The following ZNF233 variants were observed in gnomAD, a reference collection of about 807,000 sequenced individuals.
The protein encoded by ZNF233 is zinc finger protein 233.
ZNF233 carries 7 observed loss-of-function variants against 11.6 expected under a neutral mutation model. The ratio of observed to expected loss-of-function variants is 0.60; its 90% confidence interval spans 0.34 to 1.13. The LOEUF (loss-of-function observed/expected upper bound fraction) is 1.13. Among genes scored for constraint, ZNF233 ranks in the 50% most tolerant of loss-of-function variants. ZNF233 has a pLI of 0.03. For synonymous variants in ZNF233, 226 were observed against 268.5 expected, an observed-to-expected ratio of 0.84 and a Z score of 1.55; for missense variants, 711 against 785.5, an observed-to-expected ratio of 0.91 and a Z score of 1.13.
At chr19:44,267,301 C>A in intron 4 of ZNF233, 1 of 402,106 alleles carries the variant, frequency 2.5e-6, no homozygotes, top group Non-Finnish European at 4.4e-6. Context: ...TCACTCAGTT[C>A]TTTCCAGCCA....
intron 4 of ZNF233, among the ~76,000 whole-genome samples, chr19:44,270,885 T>C (rs1334339610): frequency 1.3e-5 from 2 of 152,168 alleles, no homozygotes; most frequent in Non-Finnish European, 2.9e-5. Context: ...GCATCAGAAG[T>C]GACAGATCAT....
chr19:44,274,200 G>C lies in ZNF233; in HGVS notation c.1540G>C (p.Gly514Arg). Reference protein sequence around the residue: ...GEKPYKCDTCGKDFSQISHLQ... With the variant: ...GEKPYKCDTCRKDFSQISHLQ... ...GAAACCCTACAAATGTGACACATGT[G>C]GGAAGGACTTCAGTCAGATCTCTCA... Residue 514 changes from glycine (G) to arginine (R), a missense_variant, in exon 5 of 5, where the codon GGG (glycine) becomes CGG (arginine). By Grantham distance (125) the Gly-to-Arg change is moderately radical. Coordinates refer to ENST00000683810, the MANE Select transcript of ZNF233 (RefSeq NM_001207005.2). 6.2e-7 allele frequency: 1 copy of C among 1,613,756 alleles called. No homozygotes were observed. The highest frequency in any genetic ancestry group is 8.5e-7 in the Non-Finnish European group (1 of 1,179,928).
chr19:44,264,281 C>A lies in ZNF233; in HGVS notation c.-47-33C>A, dbSNP rs1975008229. On this transcript the variant is annotated intron_variant, in intron 1 of 4. Transcript: ENST00000683810. ...GCCAGCACAGCCATGTGGGCTAGGG[C>A]CTGTTTCTCATGGCTTCTTTCTCTT... 2.1e-6 allele frequency: 3 copies of A among 1,423,198 alleles called. No individual in the cohort carries two copies. In the South Asian group the frequency reaches 3.4e-5, roughly 16 times the overall value. 88.2% of individuals were successfully genotyped at this position (1,423,198 alleles called of 1,614,324 possible). A position where few individuals can be genotyped will look rare whatever the true frequency, so the allele number is the denominator to read the frequency against.
At chr19:44,264,527 G>C (rs1185875593) in intron 2 of ZNF233, 152 bp downstream of exon 2, 2 of 678,508 alleles carry the variant, frequency 2.9e-6, no homozygotes, top group South Asian at 2.2e-5. Flanking sequence ...TCAATTTTTT[G>C]TTTATGTCTT....
At chr19:44,270,514 T>C (rs1975209925) in intron 4 of ZNF233, among the ~76,000 whole-genome samples, 1 of 152,082 alleles carries the variant, frequency 6.6e-6, no homozygotes, top group Non-Finnish European at 1.5e-5. Context: ...AGAGCGGAAC[T>C]TCGTCTCAAA....
At chr19:44,267,050 C>A in intron 4 of ZNF233, 89 bp downstream of exon 4, 1 of 945,730 alleles carries the variant, frequency 1.1e-6, no homozygotes, top group Non-Finnish European at 1.6e-6. Flanking sequence ...TGGCCCAAGA[C>A]CCCAGAATTC....
Position 44,273,481 on chromosome 19 carries a change from A to C in ZNF233, c.821A>C (p.Glu274Ala). The change falls in exon 5 of 5, where the codon GAA becomes GCA. Residue 274 changes from glutamate (E) to alanine (A), a missense_variant. Coordinates refer to ENST00000683810, the MANE Select transcript of ZNF233 (RefSeq NM_001207005.2). ...GKGLSVGSNL[E>A]LHQQLHLRDK... ...GGCTTAAGTGTTGGCTCTAATCTTG[A>C]ACTTCACCAGCAACTACACTTAAGA... is the stretch of plus-strand genomic sequence containing the variant. 1 of 1,614,222 alleles carries C rather than the reference A, an allele frequency of 6.2e-7. No homozygotes were observed. Among genetic ancestry groups the C allele is most frequent in the Non-Finnish European group, 8.5e-7 (1 of 1,180,046 alleles).
At chr19:44,260,509 G>T (rs558502774) in intron 1 of ZNF233, among the ~76,000 whole-genome samples, 2 of 152,254 alleles carry the variant, frequency 1.3e-5, no homozygotes, top group East Asian at 3.9e-4. Context: ...TTCCTAACGT[G>T]GGGGGACGGG....
intron 4 of ZNF233, among the ~76,000 whole-genome samples, chr19:44,272,489 C>T (rs1338487181): frequency 6.6e-6 from 1 of 152,006 alleles, no homozygotes; most frequent in Non-Finnish European, 1.5e-5. Flanking sequence ...AATCCCAGCA[C>T]TTTGGGAGGC....
chr19:44,272,857 G>A, intron 4 of ZNF233, 42 bp from the exon 5 acceptor site: 2 of 1,363,782 alleles, frequency 1.5e-6, no homozygotes, highest in South Asian at 1.5e-5. Flanking sequence ...CAAATGTTCA[G>A]TTGTCTTCAT....
intron 2 of ZNF233, among the ~76,000 whole-genome samples, chr19:44,265,208 T>C (rs897330021): frequency 2.0e-5 from 3 of 152,138 alleles, no homozygotes; most frequent in Non-Finnish European, 2.9e-5. Flanking sequence ...TGGATCCTCA[T>C]AGCTTAGCTC....
rs1292738543 is a variant in ZNF233 at position 44,273,430 on chromosome 19, A to T, written c.770A>T (p.Glu257Val). Residue 257 changes from glutamate (E) to valine (V), a missense_variant, in exon 5 of 5, where the codon GAG becomes GTG. By Grantham distance (121) the Glu-to-Val change is moderately radical. Transcript: ENST00000683810. ...CAGCATAGCATAATCCAATCAGGAG[A>T]GCAAACCTCTGATGAAAATGGAAAA... The part of the protein sequence containing the change: ...SSQHSIIQSG[E>V]QTSDENGKGL... 6.2e-7 allele frequency: 1 copy of T among 1,614,226 alleles called. No homozygotes were observed. The highest frequency in any genetic ancestry group is 8.5e-7 in the Non-Finnish European group (1 of 1,180,050).
intron 4 of ZNF233, among the ~76,000 whole-genome samples, chr19:44,269,281 A>C (rs1472883787): frequency 6.6e-6 from 1 of 150,934 alleles, no homozygotes. Context: ...TCCTTAGCAA[A>C]TCTTGACTGT....
intron 4 of ZNF233, among the ~76,000 whole-genome samples, chr19:44,268,918 T>C (rs1045953616): frequency 6.6e-6 from 1 of 152,098 alleles, no homozygotes; most frequent in African/African-American, 2.4e-5. Flanking sequence ...ACGCAAAAAC[T>C]AAATTAAACA....
In ZNF233 at chr19:44,274,996, A is replaced by C. The variant is rs1391205013; in HGVS notation, c.*323A>C. ...AGCAATATGCAGGAGTGAAGCCTTC[A>C]AAATGATAAGTAAGGTCAGAATTTA... is the stretch of plus-strand genomic sequence containing the variant. On this transcript the variant is annotated 3_prime_UTR_variant, in exon 5 of 5. Transcript: ENST00000683810. 1 of 410,528 alleles carries C rather than the reference A, an allele frequency of 2.4e-6. No homozygotes were observed. Among genetic ancestry groups the C allele is most frequent in the Non-Finnish European group, 4.3e-6 (1 of 231,838 alleles). The allele number at this position is 410,528 out of a possible 1,614,324, so 25.4% of individuals were successfully genotyped here.
chr19:44,259,927 C>G lies in ZNF233; in HGVS notation c.-59C>G, dbSNP rs1457228889. 6.6e-6 allele frequency: 3 copies of G among 455,800 alleles called. No individual in the cohort carries two copies. Among genetic ancestry groups the G allele is most frequent in the African/African-American group, 6.0e-5 (3 of 50,032 alleles). The allele number at this position is 455,800 out of a possible 1,614,324, so 28.2% of individuals were successfully genotyped here. ...GGAGGGCGAAGCAGCCGTCATCTATCCCCTCTGGGAGGTGAGTCAGCGCGG... is the reference window on the plus strand; with the variant it reads ...GGAGGGCGAAGCAGCCGTCATCTATGCCCTCTGGGAGGTGAGTCAGCGCGG... On this transcript the variant is annotated 5_prime_UTR_variant, in exon 1 of 5. In the 5' UTR this introduces an upstream ATG that the reference lacks. Coordinates refer to ENST00000683810, the MANE Select transcript of ZNF233 (RefSeq NM_001207005.2).
chr19:44,266,834 C>T, intron 3 of ZNF233, 32 bp from the exon 4 acceptor site: 1 of 1,542,238 alleles, frequency 6.5e-7, no homozygotes, highest in Non-Finnish European at 8.9e-7. Flanking sequence ...ATAATGCATT[C>T]ACTTTATATA....
chr19:44,275,077 A>C lies in ZNF233; in HGVS notation c.*404A>C. Reference sequence around the variant, plus strand: ...CTGTGTCCACTAGAATCTAAGCTCCATGCAGGAACATTGTTTACTGCTGCA... The same window carrying C: ...CTGTGTCCACTAGAATCTAAGCTCCCTGCAGGAACATTGTTTACTGCTGCA... On this transcript the variant is annotated 3_prime_UTR_variant, in exon 5 of 5. Transcript: ENST00000683810. 5.0e-6 allele frequency: 2 copies of C among 403,770 alleles called. No individual in the cohort carries two copies. Among genetic ancestry groups the C allele is most frequent in the Non-Finnish European group, 4.4e-6 (1 of 228,842 alleles). 25.0% of individuals were successfully genotyped at this position (403,770 alleles called of 1,614,324 possible).
chr19:44,260,458 G>C (rs139749177), intron 1 of ZNF233, among the ~76,000 whole-genome samples: 1 of 152,118 alleles, frequency 6.6e-6, no homozygotes, highest in South Asian at 2.1e-4. Flanking sequence ...AGCGCTACTC[G>C]CCCTTCTCTG....
Sources: gnomAD v4.1 joint callset for allele counts (sites outside exome capture counted in the v4.1 genomes callset) on GRCh38, gnomAD v4.1.1 for gene constraint, MANE v1.5 for transcripts, NCBI Gene and HGNC (gene_info 2026-07-23, HGNC 2026-07-21) for gene names.